The following SMARCC2 variants were observed in gnomAD, a reference collection of about 807,000 sequenced individuals.
SMARCC2 encodes the protein SWI/SNF complex subunit SMARCC2.
Under a neutral mutation model 151.3 loss-of-function variants are expected in SMARCC2, and 15 were observed. The ratio of observed to expected loss-of-function variants is 0.10; its 90% CI spans 0.07 to 0.15. The LOEUF is 0.15. SMARCC2 is among the 10% of genes least tolerant of loss of function. SMARCC2 has a pLI of 1.00. For missense variants in SMARCC2, 1,031 were observed against 1,599.7 expected (o/e 0.64, Z 6.06); for synonymous variants, 590 against 609.5 (o/e 0.97, Z 0.47).
intron 16 of SMARCC2, 133 bp from the exon 17 acceptor site, chr12:56,173,982 C>G: frequency 1.4e-6 from 1 of 715,228 alleles, no homozygotes; most frequent in Non-Finnish European, 2.3e-6. Flanking sequence ...GTTCATTGTA[C>G]TCCTTAAGAA....
chr12:56,186,258 G>T lies in SMARCC2; in HGVS notation c.232-18C>A. The T allele has an allele frequency of 6.6e-7, 1 of 1,514,946 alleles. No individual in the cohort carries two copies. Among genetic ancestry groups the T allele is most frequent in the Non-Finnish European group, 9.2e-7 (1 of 1,090,214 alleles). 93.8% of individuals were successfully genotyped at this position (1,514,946 alleles called of 1,614,324 possible). A position where few individuals can be genotyped will look rare whatever the true frequency, so the allele number is the denominator to read the frequency against. Reference sequence around the variant, plus strand: ...CATTTGATCTACAAAATCAAGATACGGAAAAAGCATGTCAAGGTTCCACTG... The same window carrying T: ...CATTTGATCTACAAAATCAAGATACTGAAAAAGCATGTCAAGGTTCCACTG... On this transcript the variant is annotated intron_variant, in intron 2 of 28. Coordinates refer to ENST00000550164, the MANE Select transcript of SMARCC2 (RefSeq NM_001330288.2).
intron 28 of SMARCC2, 147 bp downstream of exon 28, chr12:56,164,156 C>T (rs1872316994): frequency 1.3e-6 from 1 of 757,426 alleles, no homozygotes; most frequent in Non-Finnish European, 2.1e-6. Context: ...GCCAGAGAGG[C>T]CCTTCCTCCT....
At chr12:56,169,021 C>T (rs112120594) in intron 25 of SMARCC2, among the ~76,000 whole-genome samples, 8 of 152,036 alleles carry the variant, frequency 5.3e-5, no homozygotes, top group African/African-American at 1.7e-4. Flanking sequence ...AGGCTGGGCA[C>T]GGTGGCTCAC....
At chr12:56,173,443 C>T (rs905424360) in intron 17 of SMARCC2, among the ~76,000 whole-genome samples, 6 of 152,128 alleles carry the variant, frequency 3.9e-5, no homozygotes, top group African/African-American at 1.4e-4. Flanking sequence ...TCTCTATTGA[C>T]TCCCCTACAT....
chr12:56,176,667 G>A (rs535914282), intron 15 of SMARCC2, among the ~76,000 whole-genome samples: 8 of 150,620 alleles, frequency 5.3e-5, no homozygotes, highest in African/African-American at 2.0e-4. Context: ...TTGAGACGGA[G>A]TCTCGCTCTG....
rs1423362526 is a variant in SMARCC2 at position 56,187,169 on chromosome 12, T to A, written c.231+18A>T. 6.2e-7 allele frequency: 1 copy of A among 1,603,936 alleles called. No homozygotes were observed. Among genetic ancestry groups the A allele is most frequent in the East Asian group, 2.2e-5 (1 of 44,630 alleles). On this transcript the variant is annotated intron_variant, in intron 2 of 28. Transcript: ENST00000550164. ...CACCACCACCACCCCCCACCCTCCC[T>A]GCTACTTCTGCACTCACCGGCAGTT...
intron 1 of SMARCC2, among the ~76,000 whole-genome samples, chr12:56,188,997 A>G (rs1473211851): frequency 6.6e-6 from 1 of 151,834 alleles, no homozygotes; most frequent in Non-Finnish European, 1.5e-5. Flanking sequence ...GTTGCGGGGG[A>G]GCCCATTGGG....
chr12:56,164,483 G>C lies in SMARCC2; in HGVS notation c.3481C>G (p.Leu1161Val). ...HHHLPFAPGT[L>V]PPPNLPVSMA... ...GACACAGGCAGGTTAGGTGGGGGGA[G>C]AGTGCCCGGGGCGAACGGGAGATGG... Residue 1161 changes from leucine to valine, a missense_variant, in exon 28 of 29, where the codon CTC (leucine) becomes GTC (valine). By Grantham distance (32) the Leu-to-Val change is conservative. Around this residue, in one of 12 missense-constraint regions of SMARCC2, gnomAD observed 310 missense variants for 350.0 expected, o/e 0.89. Transcript: ENST00000550164. 1 of 1,614,212 alleles carries C rather than the reference G, an allele frequency of 6.2e-7. No individual in the cohort carries two copies.
chr12:56,182,836 C>T lies in SMARCC2; in HGVS notation c.633-757G>A, dbSNP rs1328655774. On this transcript the variant is annotated intron_variant, in intron 7 of 28. Transcript: ENST00000550164. Reference sequence around the variant, plus strand: ...CATAACCATACTAGATGATATTTTACATGCTTTTTTTTTTTGAGACAGGGT... The same window carrying T: ...CATAACCATACTAGATGATATTTTATATGCTTTTTTTTTTTGAGACAGGGT... Among the ~76,000 whole-genome samples the T allele has an allele frequency of 2.7e-5, 4 of 145,520 alleles. No individual in the cohort carries two copies. The East Asian group carries it at 8.0e-4, about 29-fold the overall frequency.
chr12:56,177,166 G>A (rs1481442271), intron 15 of SMARCC2, among the ~76,000 whole-genome samples: 11 of 151,648 alleles, frequency 7.3e-5, no homozygotes, highest in Non-Finnish European at 1.3e-4. Context: ...GCATGGTCGC[G>A]ATCTCCTGAC....
At chr12:56,165,895 G>A (rs1872694693) in intron 26 of SMARCC2, among the ~76,000 whole-genome samples, 196 bp from the exon 27 acceptor site, 1 of 152,184 alleles carries the variant, frequency 6.6e-6, no homozygotes, top group Non-Finnish European at 1.5e-5. Flanking sequence ...TATGTCTCCT[G>A]AGTGCCCACA....
intron 26 of SMARCC2, among the ~76,000 whole-genome samples, chr12:56,165,971 C>G (rs1160195557): frequency 6.6e-6 from 1 of 152,194 alleles, no homozygotes; most frequent in Non-Finnish European, 1.5e-5. Flanking sequence ...TTTGAACTTG[C>G]CATTACCTTG....
Position 56,169,789 on chromosome 12 carries a change from A to G in SMARCC2, c.2535T>C (p.Asp845=). ...GDSEKESEKS[D]GDPIVDPEKE... Reference sequence around the variant, plus strand: ...TGGGAGGCTCACCTATTGGGTCTCCATCACTCTTCTCGGACTCCTTCTCAC... The same window carrying G: ...TGGGAGGCTCACCTATTGGGTCTCCGTCACTCTTCTCGGACTCCTTCTCAC... The change falls in exon 24 of 29, where the codon GAT becomes GAC. Residue 845 remains aspartate (D), a synonymous_variant. Transcript: ENST00000550164. 6.2e-7 allele frequency: 1 copy of G among 1,613,888 alleles called. No individual in the cohort carries two copies. The highest frequency in any genetic ancestry group is 2.2e-5 in the East Asian group (1 of 44,862).
At chr12:56,175,840 C>G (rs58009483) in intron 15 of SMARCC2, among the ~76,000 whole-genome samples, 1 of 151,970 alleles carries the variant, frequency 6.6e-6, no homozygotes, top group Admixed American at 6.6e-5. Context: ...TCAATAGATG[C>G]AGGCAATTAT....
intron 1 of SMARCC2, among the ~76,000 whole-genome samples, chr12:56,187,908 C>T (rs1454881147): frequency 1.3e-5 from 2 of 152,200 alleles, no homozygotes; most frequent in Non-Finnish European, 2.9e-5. Flanking sequence ...AACATCTACC[C>T]TGTCCGAGGA....
At chr12:56,186,349 C>CCTT in intron 2 of SMARCC2, 109 bp from the exon 3 acceptor site, 1 of 537,044 alleles carries the variant, frequency 1.9e-6, no homozygotes. Context: ...ATTGATCTCC[C>CCTT]TTTTTTTTTT....
At position 56,163,729 on chromosome 12, in the gene SMARCC2, G is replaced by C; in HGVS notation, c.3698C>G (p.Pro1233Arg). 3.3e-6 allele frequency: 5 copies of C among 1,510,142 alleles called. No homozygotes were observed. The highest frequency in any genetic ancestry group is 4.4e-6 in the Non-Finnish European group (5 of 1,139,592). 93.5% of individuals were successfully genotyped at this position (1,510,142 alleles called of 1,614,324 possible). A position where few individuals can be genotyped will look rare whatever the true frequency, so the allele number is the denominator to read the frequency against. Residue 1233 changes from proline (P) to arginine (R), a missense_variant, in exon 29 of 29, where the codon CCG becomes CGG. By Grantham distance (103) the Pro-to-Arg change is moderately radical (BLOSUM62 -2). Around this residue, in one of 12 missense-constraint regions of SMARCC2, gnomAD observed 310 missense variants for 350.0 expected, o/e 0.89. Coordinates refer to ENST00000550164, the MANE Select transcript of SMARCC2 (RefSeq NM_001330288.2). ...GTPLPPDPTAPSPGTVTPVPP... is the reference protein window; with the variant it reads ...GTPLPPDPTARSPGTVTPVPP... Reference sequence around the variant, plus strand: ...CACAGGGGTGACCGTGCCTGGGCTCGGGGCTGTGGGGTCTGGAGGCAGGGG... The same window carrying C: ...CACAGGGGTGACCGTGCCTGGGCTCCGGGCTGTGGGGTCTGGAGGCAGGGG...
Position 56,171,544 on chromosome 12 carries a change from T to C in SMARCC2, c.2186-112A>G, listed in dbSNP as rs1873955336. ...TCTTCATCTAAGCTAGTATGGAGCCTAGACAGGTGCCTGAGCTGAGGCCCG... is the reference window on the plus strand; with the variant it reads ...TCTTCATCTAAGCTAGTATGGAGCCCAGACAGGTGCCTGAGCTGAGGCCCG... On this transcript the variant is annotated intron_variant, in intron 21 of 28. Transcript: ENST00000550164. The surrounding 1 kb of genome is among the most constrained non-coding windows in gnomAD (Gnocchi z 4.2). 3 of 1,518,944 alleles carry C rather than the reference T, an allele frequency of 2.0e-6. No homozygotes were observed. In the East Asian group the frequency reaches 6.8e-5, roughly 34 times the overall value. The allele number at this position is 1,518,944 out of a possible 1,614,324, so 94.1% of individuals were successfully genotyped here.
intron 15 of SMARCC2, among the ~76,000 whole-genome samples, chr12:56,176,796 A>T (rs1443595495): frequency 1.3e-5 from 2 of 150,854 alleles, no homozygotes; most frequent in Non-Finnish European, 2.9e-5. Flanking sequence ...GCATGCCACC[A>T]CGCCCGGCTA....
Sources: gnomAD v4.1 joint callset for allele counts (sites outside exome capture counted in the v4.1 genomes callset) on GRCh38, gnomAD v4.1.1 for gene constraint, gnomAD v4.1.1 regional missense constraint, Gnocchi (gnomAD v3.1) non-coding constraint, MANE v1.5 for transcripts, NCBI Gene and HGNC (gene_info 2026-07-23, HGNC 2026-07-21) for gene names.